The following NUDT7 variants were observed in gnomAD, a reference collection of about 807,000 sequenced individuals.
NUDT7 encodes nudix hydrolase 7, also known as peroxisomal coenzyme A diphosphatase NUDT7.
Under a neutral mutation model 13.1 loss-of-function variants are expected in NUDT7, and 19 were observed. The ratio of observed to expected loss-of-function variants is 1.45; its 90% CI spans 1.01 to 2.13. The LOEUF is 2.13. Among genes scored for constraint, NUDT7 ranks in the 30% most tolerant of loss-of-function variants. NUDT7 has a pLI of 0.00. For synonymous variants in NUDT7, 132 were observed against 109.7 expected (o/e 1.20, Z -1.27); for missense variants, 360 against 291.7 (o/e 1.23, Z -1.71).
chr16:77,723,592 C>CTTTTTTTT lies in NUDT7; in HGVS notation c.35+986_35+993dup, dbSNP rs148451618. Among the ~76,000 whole-genome samples, 9 of 125,672 alleles carry CTTTTTTTT rather than the reference C, an allele frequency of 7.2e-5. 1 individual carries two copies. The highest frequency in any genetic ancestry group is 1.7e-4 in the Admixed American group (2 of 12,014). The allele number at this position is 125,672 out of a possible 152,430, so 82.4% of individuals were successfully genotyped here. A position where few individuals can be genotyped will look rare whatever the true frequency, so the allele number is the denominator to read the frequency against. On this transcript the variant is annotated intron_variant, in intron 1 of 3. Transcript: ENST00000268533. ...AACTCAGAGAAGTCATTTGTATACA[C>CTTTTTTTT]TTTTTTTTTTTTTTTTTTGAGACAG...
At chr16:77,735,768 A>G in intron 2 of NUDT7, 60 bp from the exon 3 acceptor site, 1 of 1,455,658 alleles carries the variant, frequency 6.9e-7, no homozygotes, top group Non-Finnish European at 9.5e-7. Flanking sequence ...TATTTGTTGA[A>G]TGCATAAATA....
intron 2 of NUDT7, among the ~76,000 whole-genome samples, chr16:77,731,952 T>C (rs1427771289): frequency 6.6e-6 from 1 of 152,148 alleles, no homozygotes; most frequent in Non-Finnish European, 1.5e-5. Flanking sequence ...CTAAGTGTTA[T>C]TACAAAAGAG....
chr16:77,724,421 T>G (rs2014062058), intron 1 of NUDT7, among the ~76,000 whole-genome samples: 1 of 149,398 alleles, frequency 6.7e-6, no homozygotes, highest in Non-Finnish European at 1.5e-5. Flanking sequence ...GCCCCATGCC[T>G]AAGCTAATTT....
At position 77,741,611 on chromosome 16, in the gene NUDT7, T is replaced by C. The variant is rs2014663334; in HGVS notation, c.378T>C (p.Gly126=). 2 of 1,612,222 alleles carry C rather than the reference T, an allele frequency of 1.2e-6. No homozygotes were observed. Among genetic ancestry groups the C allele is most frequent in the Non-Finnish European group, 1.7e-6 (2 of 1,179,674 alleles). ...ATACATTGATAACTCCATTTGTGGG[T>C]TTAATAGACCACAACTTCCAGGCCC... is the stretch of plus-strand genomic sequence containing the variant. ...DTDTLITPFV[G]LIDHNFQAQP... Residue 126 remains glycine, a synonymous_variant, in exon 4 of 4, where the codon GGT becomes GGC. Transcript: ENST00000268533.
intron 2 of NUDT7, among the ~76,000 whole-genome samples, chr16:77,728,929 C>T (rs1310192771): frequency 6.6e-6 from 1 of 152,192 alleles, no homozygotes; most frequent in Non-Finnish European, 1.5e-5. Context: ...CATCCCTCCT[C>T]TGTCCCCTCT....
At chr16:77,728,156 T>G (rs1432908348) in intron 2 of NUDT7, among the ~76,000 whole-genome samples, 2 of 152,112 alleles carry the variant, frequency 1.3e-5, no homozygotes, top group Non-Finnish European at 2.9e-5. Flanking sequence ...TTCCCCCCAG[T>G]GGATGGGGAA....
rs1220013551 is a variant in NUDT7, at chr16:77,730,567, A to T, written c.189+4983A>T. On this transcript the variant is annotated intron_variant, in intron 2 of 3. Coordinates refer to ENST00000268533, the MANE Select transcript of NUDT7 (RefSeq NM_001105663.3). ...GGCCATTGTGAACAATGCTGCAGTA[A>T]ACATGGGTGTGCAGAGACCTCTTCG... Among the ~76,000 whole-genome samples the T allele has an allele frequency of 2.6e-5, 4 of 152,302 alleles. No individual in the cohort carries two copies. In the East Asian group the frequency reaches 7.7e-4, roughly 29 times the overall value.
In NUDT7 at chr16:77,725,478, T is replaced by C. The variant is rs1392532858; in HGVS notation, c.83T>C (p.Ile28Thr). ...AAGGCCCGCTTAAGAAAGTATGATATTGGAGGCAAATATTCTCACTTGCCA... is the reference window on the plus strand; with the variant it reads ...AAGGCCCGCTTAAGAAAGTATGATACTGGAGGCAAATATTCTCACTTGCCA... ...DAKARLRKYD[I>T]GGKYSHLPYN... Residue 28 changes from isoleucine (I) to threonine (T), a missense_variant, in exon 2 of 4, where the codon ATT becomes ACT. Coordinates refer to ENST00000268533, the MANE Select transcript of NUDT7 (RefSeq NM_001105663.3). The C allele has an allele frequency of 3.7e-6, 6 of 1,613,788 alleles. No homozygotes were observed. Among genetic ancestry groups the C allele is most frequent in the Non-Finnish European group, 2.5e-6 (3 of 1,179,864 alleles).
chr16:77,735,018 C>G (rs1028815597), intron 2 of NUDT7, among the ~76,000 whole-genome samples: 1 of 152,112 alleles, frequency 6.6e-6, no homozygotes, highest in East Asian at 1.9e-4. Flanking sequence ...AAATTAGTAG[C>G]TTATAGGACT....
chr16:77,731,364 T>A (rs1597114480), intron 2 of NUDT7, among the ~76,000 whole-genome samples: 1 of 152,242 alleles, frequency 6.6e-6, no homozygotes, highest in South Asian at 2.1e-4. Context: ...ATATATACAA[T>A]GGTGGCCCCA....
chr16:77,732,723 G>A (rs1441799492), intron 2 of NUDT7, among the ~76,000 whole-genome samples: 1 of 152,198 alleles, frequency 6.6e-6, no homozygotes, highest in Non-Finnish European at 1.5e-5. Flanking sequence ...TGCACCCTGT[G>A]TTGTTTACAC....
intron 3 of NUDT7, chr16:77,736,690 T>G (rs1316149810): frequency 1.0e-5 from 3 of 295,028 alleles, no homozygotes; most frequent in Non-Finnish European, 2.2e-5. Flanking sequence ...GGTCTCGAGC[T>G]CCTGGCCTCA....
At chr16:77,734,389 C>T (rs897528442) in intron 2 of NUDT7, among the ~76,000 whole-genome samples, 4 of 151,992 alleles carry the variant, frequency 2.6e-5, no homozygotes, top group Admixed American at 2.0e-4. Flanking sequence ...TTTGGGAGGC[C>T]GAGGAGGGCA....
intron 2 of NUDT7, among the ~76,000 whole-genome samples, chr16:77,730,442 A>C (rs536682300): frequency 6.4e-4 from 98 of 152,296 alleles, no homozygotes; most frequent in African/African-American, 2.3e-3. Context: ...GTCACAAATG[A>C]CAGGATTTCC....
intron 2 of NUDT7, among the ~76,000 whole-genome samples, chr16:77,733,550 G>A (rs1597115848): frequency 6.6e-6 from 1 of 152,202 alleles, no homozygotes; most frequent in Admixed American, 6.5e-5. Flanking sequence ...GGCCATTGCA[G>A]GCATCTAGTT....
intron 3 of NUDT7, among the ~76,000 whole-genome samples, chr16:77,738,863 A>C (rs2014571305): frequency 3.3e-5 from 5 of 152,268 alleles, no homozygotes; most frequent in Admixed American, 2.6e-4. Context: ...TATGAGCAAC[A>C]CATCTGTGGT....
intron 2 of NUDT7, among the ~76,000 whole-genome samples, chr16:77,731,684 GA>G (rs2014323320): frequency 6.6e-6 from 1 of 152,084 alleles, no homozygotes; most frequent in African/African-American, 2.4e-5. Flanking sequence ...TCCTTCAGGA[GA>G]TATTCCAAAA....
intron 2 of NUDT7, among the ~76,000 whole-genome samples, chr16:77,733,442 C>A (rs959774859): frequency 6.6e-6 from 1 of 152,164 alleles, no homozygotes; most frequent in Non-Finnish European, 1.5e-5. Context: ...GGGCTCTGCC[C>A]CCATGACCTA....
intron 2 of NUDT7, among the ~76,000 whole-genome samples, chr16:77,734,558 G>A (rs967744736): frequency 3.3e-5 from 5 of 152,126 alleles, no homozygotes; most frequent in Non-Finnish European, 7.4e-5. Flanking sequence ...AGGAGGCAAG[G>A]CTTGCAGTGA....
Sources: gnomAD v4.1 joint callset for allele counts (sites outside exome capture counted in the v4.1 genomes callset) on GRCh38, gnomAD v4.1.1 for gene constraint, MANE v1.5 for transcripts, NCBI Gene and HGNC (gene_info 2026-07-23, HGNC 2026-07-21) for gene names.